The following ZNF423 variants were observed in gnomAD, a reference collection of about 807,000 sequenced individuals.
ZNF423 encodes Ebf-associated zinc finger protein.
In ZNF423, 12 loss-of-function variants were observed where a neutral mutation model predicts 95.8. That is an observed-to-expected ratio of 0.13 (90% CI 0.08 to 0.20). The LOEUF is 0.20. Among genes scored for constraint, ZNF423 ranks in the 10% least tolerant of loss-of-function variants. The pLI, the probability that ZNF423 is intolerant of heterozygous loss-of-function variation, is 1.00. For synonymous variants in ZNF423, 749 were observed against 711.9 expected (o/e 1.05, Z -0.83); for missense variants, 1,316 against 1,737.1 (o/e 0.76, Z 4.31).
chr16:49,606,644 T>C (rs962638291), intron 5 of ZNF423, among the ~76,000 whole-genome samples: 2 of 152,150 alleles, frequency 1.3e-5, no homozygotes, highest in Admixed American at 6.5e-5. Flanking sequence ...AGGAAGCACA[T>C]GAATGTTTTA....
At chr16:49,838,591 G>T (rs1845618520) in intron 1 of ZNF423, among the ~76,000 whole-genome samples, 1 of 152,056 alleles carries the variant, frequency 6.6e-6, no homozygotes, top group Non-Finnish European at 1.5e-5. Flanking sequence ...CGCACATCTG[G>T]CTGGCGGGCC....
At chr16:49,750,473 C>T (rs2033613828) in intron 2 of ZNF423, among the ~76,000 whole-genome samples, 1 of 152,212 alleles carries the variant, frequency 6.6e-6, no homozygotes, top group Admixed American at 6.5e-5. Flanking sequence ...ACTGCCAGCA[C>T]TGAGTCACAG....
At chr16:49,751,975 C>G (rs2033640855) in intron 2 of ZNF423, among the ~76,000 whole-genome samples, 1 of 152,162 alleles carries the variant, frequency 6.6e-6, no homozygotes, top group South Asian at 2.1e-4. Context: ...AGGTCTTGGC[C>G]AAAACCCCAC....
intron 5 of ZNF423, among the ~76,000 whole-genome samples, chr16:49,587,676 C>G (rs1331230310): frequency 6.6e-6 from 1 of 152,022 alleles, no homozygotes; most frequent in Non-Finnish European, 1.5e-5. Flanking sequence ...AAGGAGTAGT[C>G]AACAGGGTCT....
chr16:49,755,895 C>T (rs1567328593), intron 2 of ZNF423, among the ~76,000 whole-genome samples: 2 of 152,126 alleles, frequency 1.3e-5, no homozygotes, highest in Non-Finnish European at 2.9e-5. Flanking sequence ...GCCTGCCACC[C>T]GAAGACCCTG....
At position 49,643,682 on chromosome 16, in the gene ZNF423, A is replaced by T. The variant is rs143677936; in HGVS notation, c.302-4808T>A. ...CAAAGAACTATAACAAAAATGAGTT[A>T]AAAAAACACACACACACTTGCAAAA... On this transcript the variant is annotated intron_variant, in intron 3 of 7. Coordinates refer to ENST00000563137, the MANE Select transcript of ZNF423 (RefSeq NM_001379286.1). 1.4e-3 allele frequency among the ~76,000 whole-genome samples: 215 copies of T among 151,844 alleles called. 1 individual carries two copies. Among genetic ancestry groups the T allele is most frequent in the African/African-American group, 4.8e-3 (200 of 41,428 alleles).
intron 3 of ZNF423, among the ~76,000 whole-genome samples, chr16:49,722,135 G>T (rs1395395391): frequency 6.6e-6 from 1 of 152,182 alleles, no homozygotes; most frequent in Admixed American, 6.5e-5. Flanking sequence ...CGTCTATGCA[G>T]CCTGCTGGTT....
intron 1 of ZNF423, among the ~76,000 whole-genome samples, chr16:49,837,954 T>C (rs2035138385): frequency 6.6e-6 from 1 of 152,218 alleles, no homozygotes; most frequent in Admixed American, 6.5e-5. Context: ...TCCGGGGAGC[T>C]GCTCACTCTT....
intron 3 of ZNF423, among the ~76,000 whole-genome samples, chr16:49,690,741 A>G (rs1396097336): frequency 1.3e-5 from 2 of 152,146 alleles, no homozygotes; most frequent in Non-Finnish European, 2.9e-5. Context: ...GCCTCCTGGA[A>G]GCCTTATTAC....
At chr16:49,658,809 G>T (rs1282132022) in intron 3 of ZNF423, among the ~76,000 whole-genome samples, 1 of 152,170 alleles carries the variant, frequency 6.6e-6, no homozygotes, top group African/African-American at 2.4e-5. Flanking sequence ...GGGGCATGTG[G>T]GTCCCCCACC....
chr16:49,702,022 AC>A (rs2032198034), intron 3 of ZNF423, among the ~76,000 whole-genome samples: 1 of 152,054 alleles, frequency 6.6e-6, no homozygotes, highest in African/African-American at 2.4e-5. Context: ...ATGAAAGGAA[AC>A]CCCCAGGGGT....
chr16:49,521,623 C>T (rs1434482775), intron 7 of ZNF423, among the ~76,000 whole-genome samples: 2 of 152,166 alleles, frequency 1.3e-5, no homozygotes, highest in African/African-American at 4.8e-5. Context: ...AAGTGGAACC[C>T]CCTCTCTGGG....
At chr16:49,532,507 A>T (rs1198232094) in intron 5 of ZNF423, among the ~76,000 whole-genome samples, 1 of 152,154 alleles carries the variant, frequency 6.6e-6, no homozygotes, top group Admixed American at 6.5e-5. Context: ...CCTGTGTTTC[A>T]CAAAGGCTTC....
At chr16:49,593,239 C>T (rs1971072244) in intron 5 of ZNF423, among the ~76,000 whole-genome samples, 1 of 152,024 alleles carries the variant, frequency 6.6e-6, no homozygotes, top group African/African-American at 2.4e-5. Context: ...TCAAGACCAG[C>T]CTGGGCAACA....
intron 1 of ZNF423, among the ~76,000 whole-genome samples, chr16:49,799,660 A>G (rs988092328): frequency 6.6e-6 from 1 of 152,186 alleles, no homozygotes; most frequent in Non-Finnish European, 1.5e-5. Context: ...AGTAAAATCT[A>G]TATCTTCGGC....
intron 1 of ZNF423, among the ~76,000 whole-genome samples, chr16:49,808,982 T>A (rs1184781163): frequency 6.6e-6 from 1 of 152,170 alleles, no homozygotes; most frequent in East Asian, 1.9e-4. Flanking sequence ...CCAGAGCCCC[T>A]GGCAGGAGGC....
chr16:49,692,876 G>A (rs1449593925), intron 3 of ZNF423, among the ~76,000 whole-genome samples: 1 of 152,224 alleles, frequency 6.6e-6, no homozygotes, highest in East Asian at 1.9e-4. Flanking sequence ...ATGAAGGCAA[G>A]GGCTATTTCC....
At chr16:49,704,528 C>T (rs979266466) in intron 3 of ZNF423, among the ~76,000 whole-genome samples, 1 of 152,176 alleles carries the variant, frequency 6.6e-6, no homozygotes, top group Non-Finnish European at 1.5e-5. Context: ...TACCCTCACC[C>T]CCAAGACTGT....
intron 5 of ZNF423, among the ~76,000 whole-genome samples, chr16:49,576,262 TG>T (rs1405063214): frequency 1.3e-5 from 2 of 152,232 alleles, no homozygotes; most frequent in African/African-American, 4.8e-5. Flanking sequence ...ACCGTGGCTG[TG>T]GTCCCTGTGC....
Sources: gnomAD v4.1 joint callset for allele counts (sites outside exome capture counted in the v4.1 genomes callset) on GRCh38, gnomAD v4.1.1 for gene constraint, MANE v1.5 for transcripts, NCBI Gene and HGNC (gene_info 2026-07-23, HGNC 2026-07-21) for gene names.